STX5: variants seen among roughly 807,000 people sequenced by gnomAD.
STX5 encodes syntaxin 5.
STX5 carries 15 observed loss-of-function variants against 42.9 expected under a neutral mutation model. The ratio of observed to expected loss-of-function variants is 0.35; its 90% confidence interval spans 0.23 to 0.54. The LOEUF (loss-of-function observed/expected upper bound fraction) is 0.54. STX5 is among the 20% of genes least tolerant of loss of function. The pLI, the probability that STX5 is intolerant of heterozygous loss-of-function variation, is 0.91. For missense variants in STX5, 430 were observed against 455.0 expected, an observed-to-expected ratio of 0.95 and a Z score of 0.50; for synonymous variants, 184 against 173.2, an observed-to-expected ratio of 1.06 and a Z score of -0.49.
intron 2 of STX5, among the ~76,000 whole-genome samples, chr11:62,828,116 A>AT (rs1280740697): frequency 2.0e-5 from 3 of 151,470 alleles, no homozygotes; most frequent in Non-Finnish European, 2.9e-5. Context: ...ACACTTCTTT[A>AT]TAACTTTTCT....
Position 62,807,413 on chromosome 11 carries a change from CT to C in STX5, c.*55del. 1 of 1,589,368 alleles carries C rather than the reference CT, an allele frequency of 6.3e-7. No individual in the cohort carries two copies. Among genetic ancestry groups the C allele is most frequent in the Non-Finnish European group, 8.6e-7 (1 of 1,165,698 alleles). On this transcript the variant is annotated 3_prime_UTR_variant, in exon 11 of 11. Transcript: ENST00000294179. ...ACAGGCTCAGTGGCAGCACTGGCCA[CT>C]TGCCTTCCCAGGAGGGTCCCAAACC... is the stretch of plus-strand genomic sequence containing the variant.
intron 1 of STX5, 120 bp downstream of exon 1, chr11:62,831,834 G>A (rs1323695515): frequency 2.2e-6 from 1 of 447,704 alleles, no homozygotes; most frequent in South Asian, 1.6e-5. Flanking sequence ...ACCCGGAGCC[G>A]GGCCGGCAGG....
chr11:62,826,232 C>A (rs1326553985), intron 5 of STX5, among the ~76,000 whole-genome samples: 2 of 142,834 alleles, frequency 1.4e-5, no homozygotes, highest in African/African-American at 5.3e-5. Flanking sequence ...TCCAGCCTGG[C>A]GACAGAGTGA....
chr11:62,810,767 A>T (rs976154122), intron 10 of STX5, among the ~76,000 whole-genome samples: 6 of 152,250 alleles, frequency 3.9e-5, no homozygotes, highest in Non-Finnish European at 8.8e-5. Context: ...ATCCACTGGC[A>T]TGCAGGGAGG....
chr11:62,820,235 G>T (rs1335681620), intron 10 of STX5, among the ~76,000 whole-genome samples: 4 of 151,424 alleles, frequency 2.6e-5, no homozygotes, highest in Non-Finnish European at 5.9e-5. Context: ...AGCCGGGCGT[G>T]GTGGCGGGAG....
chr11:62,807,652 G>A, intron 10 of STX5, 24 bp from the exon 11 acceptor site: 1 of 1,613,076 alleles, frequency 6.2e-7, no homozygotes, highest in Non-Finnish European at 8.5e-7. Flanking sequence ...CGGGAGAAGA[G>A]GAAACAAAAG....
chr11:62,811,260 A>G (rs2084613794), intron 10 of STX5, among the ~76,000 whole-genome samples: 1 of 152,038 alleles, frequency 6.6e-6, no homozygotes, highest in African/African-American at 2.4e-5. Context: ...TTCTCTTCCA[A>G]ACATCAGAAC....
At chr11:62,809,215 G>A (rs1469523591) in intron 10 of STX5, among the ~76,000 whole-genome samples, 2 of 150,816 alleles carry the variant, frequency 1.3e-5, no homozygotes, top group East Asian at 3.9e-4. Context: ...TTGAACCCAG[G>A]AGGTGGAGCT....
intron 1 of STX5, among the ~76,000 whole-genome samples, chr11:62,831,578 G>C (rs1201171567): frequency 2.0e-5 from 3 of 152,070 alleles, no homozygotes; most frequent in Admixed American, 2.0e-4. Flanking sequence ...TAACTGCCCC[G>C]GGCCCTAACC....
intron 10 of STX5, among the ~76,000 whole-genome samples, chr11:62,821,768 C>T (rs2084743024): frequency 6.6e-6 from 1 of 152,004 alleles, no homozygotes; most frequent in Non-Finnish European, 1.5e-5. Flanking sequence ...TGGCTCATGC[C>T]TGTAATCCCA....
chr11:62,808,606 A>G (rs576526662), intron 10 of STX5, among the ~76,000 whole-genome samples: 1 of 152,238 alleles, frequency 6.6e-6, no homozygotes, highest in South Asian at 2.1e-4. Context: ...AATAATAAAT[A>G]AGTATATTGG....
intron 10 of STX5, chr11:62,823,875 T>A (rs1020768716): frequency 5.1e-6 from 2 of 393,668 alleles, no homozygotes; most frequent in Non-Finnish European, 9.5e-6. Context: ...TCCACAGCTG[T>A]CCTCATCTGC....
chr11:62,827,114 C>A, intron 5 of STX5, 41 bp downstream of exon 5: 1 of 1,583,614 alleles, frequency 6.3e-7, no homozygotes, highest in South Asian at 1.1e-5. Flanking sequence ...CAGAAGTGAT[C>A]TGATTGGAAT....
rs200756319 is a variant in STX5 at position 62,824,148 on chromosome 11, C to T, written c.908+18G>A. 207 of 1,614,034 alleles carry T rather than the reference C, an allele frequency of 1.3e-4. No individual in the cohort carries two copies. Among genetic ancestry groups the T allele is most frequent in the Middle Eastern group, 1.6e-4 (1 of 6,062 alleles). On this transcript the variant is annotated intron_variant, in intron 10 of 10. Coordinates refer to ENST00000294179, the MANE Select transcript of STX5 (RefSeq NM_003164.5). ...GAAGAGAAAGCTCCTCTGTTTGGGG[C>T]GAGAGAGTGTATCTCACCTCTGAAT...
intron 10 of STX5, among the ~76,000 whole-genome samples, chr11:62,819,525 C>A (rs543302873): frequency 6.9e-6 from 1 of 145,878 alleles, no homozygotes; most frequent in African/African-American, 2.5e-5. Context: ...CTTTTTAATA[C>A]TTTTTTTTTT....
chr11:62,831,093 G>A lies in STX5; in HGVS notation c.151C>T (p.Pro51Ser), dbSNP rs200347470. The A allele has an allele frequency of 3.2e-6, 5 of 1,555,968 alleles. No homozygotes were observed. Among genetic ancestry groups the A allele is most frequent in the Non-Finnish European group, 3.5e-6 (4 of 1,150,172 alleles). ...LPPPVTLVPP[P>S]PDTMSCRDRT... ...TCCCGGCAGGACATGGTGTCGGGAG[G>A]GGGAGGGACGAGGGTCACTGGGGGG... Residue 51 changes from proline (P) to serine (S), a missense_variant, in exon 2 of 11, where the codon CCT becomes TCT. Physicochemically the swap from Pro to Ser is moderately conservative, Grantham distance 74 (BLOSUM62 -1). Transcript: ENST00000294179.
intron 2 of STX5, among the ~76,000 whole-genome samples, chr11:62,829,390 C>T (rs928248216): frequency 5.3e-5 from 8 of 151,834 alleles, no homozygotes; most frequent in Non-Finnish European, 8.8e-5. Context: ...TGCCACTGCA[C>T]TACAGCCTGG....
chr11:62,831,306 C>T (rs2084858993), intron 1 of STX5, 44 bp from the exon 2 acceptor site: 3 of 1,336,730 alleles, frequency 2.2e-6, no homozygotes, highest in Admixed American at 3.9e-5. Flanking sequence ...AACTTCTTTA[C>T]CCAAACTCCC....
rs547465151 is a variant in STX5, at chr11:62,831,959, C to T, written c.-25G>A. ...CCTCTTAAAGCGAATCTTACCTCCC[C>T]TCTGCCGCCTGCCGCCGCCGCCACT... On this transcript the variant is annotated 5_prime_UTR_variant, in exon 1 of 11. Coordinates refer to ENST00000294179, the MANE Select transcript of STX5 (RefSeq NM_003164.5). 1 of 460,876 alleles carries T rather than the reference C, an allele frequency of 2.2e-6. No individual in the cohort carries two copies. The highest frequency in any genetic ancestry group is 2.3e-5 in the Admixed American group (1 of 42,686). 28.5% of individuals were successfully genotyped at this position (460,876 alleles called of 1,614,324 possible). A position where few individuals can be genotyped will look rare whatever the true frequency, so the allele number is the denominator to read the frequency against.
Sources: allele counts gnomAD v4.1 joint callset (sites outside exome capture counted in the v4.1 genomes callset), GRCh38; gene constraint gnomAD v4.1.1; transcripts MANE v1.5; gene names NCBI Gene and HGNC (gene_info 2026-07-23, HGNC 2026-07-21).